POLE: variants seen among roughly 807,000 people sequenced by gnomAD.
POLE encodes the protein DNA polymerase epsilon catalytic subunit A.
In POLE, 188 loss-of-function variants were observed where a neutral mutation model predicts 279.2. The observed-to-expected ratio is 0.67, with a 90% CI of 0.60 to 0.76. The LOEUF (loss-of-function observed/expected upper bound fraction) is 0.76, where lower values mean the gene tolerates loss of function less well. Ranked by LOEUF, POLE falls within the 30% of genes least tolerant of loss-of-function variation. The pLI, the probability that POLE is intolerant of heterozygous loss-of-function variation, is 0.00. For missense variants in POLE, 2,703 were observed against 3,016.7 expected, an observed-to-expected ratio of 0.90 and a Z score of 2.44; for synonymous variants, 1,214 against 1,172.5, an observed-to-expected ratio of 1.04 and a Z score of -0.72.
At position 132,670,034 on chromosome 12, in the gene POLE, C is replaced by T. The variant is rs5744790; in HGVS notation, c.1795-1095G>A. Among the ~76,000 whole-genome samples the T allele has an allele frequency of 8.7e-3, 1,312 of 150,596 alleles. 23 individuals carry two copies. Among genetic ancestry groups the T allele is most frequent in the African/African-American group, 0.031 (1,250 of 40,904 alleles). On this transcript the variant is annotated intron_variant, in intron 16 of 48. Coordinates refer to ENST00000320574, the MANE Select transcript of POLE (RefSeq NM_006231.4). ...ATCCTCACATCTACCACACCTCCAG[C>T]CTCACTCTACCTGCCCATCTCACTG...
At chr12:132,669,230 C>G (rs905901564) in intron 16 of POLE, among the ~76,000 whole-genome samples, 12 of 151,910 alleles carry the variant, frequency 7.9e-5, no homozygotes, top group Non-Finnish European at 1.8e-4. Context: ...TTTCGGAGAC[C>G]GAGGCCAGAG....
intron 20 of POLE, among the ~76,000 whole-genome samples, chr12:132,666,701 C>T (rs1376799322): frequency 2.9e-5 from 4 of 138,198 alleles, no homozygotes; most frequent in Non-Finnish European, 4.7e-5. Flanking sequence ...GGAATGGGGT[C>T]ACTAGGGGCC....
chr12:132,670,253 G>A (rs1480133072), intron 16 of POLE, among the ~76,000 whole-genome samples: 1 of 151,142 alleles, frequency 6.6e-6, no homozygotes, highest in Non-Finnish European at 1.5e-5. Flanking sequence ...GCAAGCGCCT[G>A]TTATCCCAGC....
rs2043017924 is a variant in POLE, at chr12:132,675,264, T to G, written c.1226+134A>C. On this transcript the variant is annotated intron_variant, in intron 12 of 48. Coordinates refer to ENST00000320574, the MANE Select transcript of POLE (RefSeq NM_006231.4). This position sits in a 1 kb window ranked among gnomAD's most constrained non-coding sequence, Gnocchi z 4.3. ...CCTGGCAGGGTTGCAGCTGCCATAC[T>G]CTTGGGTGACCTGAAACGGCCTCTC... 8 of 1,135,944 alleles carry G rather than the reference T, an allele frequency of 7.0e-6. No individual in the cohort carries two copies. Among genetic ancestry groups the G allele is most frequent in the Middle Eastern group, 4.4e-4 (2 of 4,504 alleles). The allele number at this position is 1,135,944 out of a possible 1,614,324, so 70.4% of individuals were successfully genotyped here.
chr12:132,645,788 A>G lies in POLE; in HGVS notation c.4150-1811T>C, dbSNP rs554811293. On this transcript the variant is annotated intron_variant, in intron 32 of 48. Coordinates refer to ENST00000320574, the MANE Select transcript of POLE (RefSeq NM_006231.4). ...TCCAGTAACATGAAATTAGACCGAC[A>G]CACACACACACCCACACACACACAC... Among the ~76,000 whole-genome samples the G allele has an allele frequency of 2.6e-3, 290 of 112,266 alleles. 2 individuals are homozygous for G. The highest frequency in any genetic ancestry group is 0.012 in the African/African-American group (284 of 23,274). The allele number at this position is 112,266 out of a possible 152,430, so 73.7% of individuals were successfully genotyped here.
rs1439744938 is a variant in POLE, at chr12:132,634,022, C to T, written c.6004+164G>A. 1 of 651,668 alleles carries T rather than the reference C, an allele frequency of 1.5e-6. No individual in the cohort carries two copies. The highest frequency in any genetic ancestry group is 1.8e-5 in the African/African-American group (1 of 54,636). 40.4% of individuals were successfully genotyped at this position (651,668 alleles called of 1,614,324 possible). A position where few individuals can be genotyped will look rare whatever the true frequency, so the allele number is the denominator to read the frequency against. ...CCCTCCAGTGGAACATGCCTGGAGC[C>T]TGGAGAGGAGGCCCCTCGGCTCACA... is the stretch of plus-strand genomic sequence containing the variant. On this transcript the variant is annotated intron_variant, in intron 43 of 48. Transcript: ENST00000320574. The surrounding 1 kb of genome is among the most constrained non-coding windows in gnomAD (Gnocchi z 4.0).
rs537816213 is a variant in POLE, at chr12:132,673,715, G to A, written c.1227-8C>T. 2.5e-5 allele frequency: 40 copies of A among 1,613,224 alleles called. No individual in the cohort carries two copies. The highest frequency in any genetic ancestry group is 1.2e-4 in the South Asian group (11 of 91,074). ...CTGTCCCTCTTCACCCACCTGGAAG[G>A]AGAATGAGAACAGAAGCCAGGATGA... On this transcript the variant is annotated splice_polypyrimidine_tract_variant and splice_region_variant and intron_variant, in intron 12 of 48. Transcript: ENST00000320574.
chr12:132,687,105 G>A, intron 1 of POLE, 149 bp downstream of exon 1: 1 of 405,996 alleles, frequency 2.5e-6, no homozygotes, highest in Non-Finnish European at 3.9e-6. Context: ...TCGGCGGTCG[G>A]GGCGCGCCGC....
intron 32 of POLE, among the ~76,000 whole-genome samples, chr12:132,647,500 G>C (rs1241663715): frequency 6.7e-6 from 1 of 149,474 alleles, no homozygotes; most frequent in Admixed American, 6.7e-5. Context: ...TTAAGGAATA[G>C]AGTTCATTTC....
intron 20 of POLE, 85 bp from the exon 21 acceptor site, chr12:132,665,535 T>C (rs2042778769): frequency 8.2e-6 from 12 of 1,457,318 alleles, no homozygotes; most frequent in Non-Finnish European, 8.2e-6. Context: ...TTTAGTATTT[T>C]GAAAATTTTC....
chr12:132,632,212 G>A (rs2041946271), intron 45 of POLE, 103 bp downstream of exon 45: 18 of 871,146 alleles, frequency 2.1e-5, no homozygotes, highest in Non-Finnish European at 2.9e-5. Context: ...ACGCTAGCAC[G>A]TTCATGGTGC....
chr12:132,679,684 A>G (rs1370252459), intron 5 of POLE, 33 bp from the exon 6 acceptor site: 2 of 1,594,052 alleles, frequency 1.3e-6, no homozygotes, highest in Non-Finnish European at 1.7e-6. Context: ...TCATTGGTTC[A>G]AGAGAAATAG....
chr12:132,674,348 A>C (rs1313297242), intron 12 of POLE, among the ~76,000 whole-genome samples: 3 of 151,590 alleles, frequency 2.0e-5, no homozygotes, highest in Non-Finnish European at 2.9e-5. Context: ...TCTTGCCTTC[A>C]GTTCATCCAC....
At chr12:132,631,549 G>A (rs1003439229) in intron 45 of POLE, among the ~76,000 whole-genome samples, 23 of 152,194 alleles carry the variant, frequency 1.5e-4, no homozygotes, top group East Asian at 3.8e-4. Flanking sequence ...AACCTTAGCC[G>A]TGTGTGAGAT....
At chr12:132,658,112 T>C (rs1435809719) in intron 26 of POLE, 142 bp from the exon 27 acceptor site, 2 of 620,788 alleles carry the variant, frequency 3.2e-6, no homozygotes, top group East Asian at 2.8e-5. Flanking sequence ...CGTGCATATG[T>C]ATGCACAAAC....
chr12:132,641,822 C>T lies in POLE; in HGVS notation c.5203G>A (p.Ala1735Thr), dbSNP rs2042150896. Residue 1735 changes from alanine (A) to threonine (T), a missense_variant, in exon 39 of 49, where the codon GCC becomes ACC. Physicochemically the swap from Ala to Thr is moderately conservative, Grantham distance 58 (BLOSUM62 0). Transcript: ENST00000320574. ...VCVELDLQNL[A>T]VNTILQSHHV... ...TGAGACTGGAGAATGGTGTTGACGG[C>T]CAGGTTCTGAAGGTCCAGCTCCACA... 6.2e-7 allele frequency: 1 copy of T among 1,601,856 alleles called. No individual in the cohort carries two copies. The highest frequency in any genetic ancestry group is 8.5e-7 in the Non-Finnish European group (1 of 1,179,934).
At chr12:132,667,299 C>T (rs1364304020) in intron 20 of POLE, among the ~76,000 whole-genome samples, 2 of 152,166 alleles carry the variant, frequency 1.3e-5, no homozygotes, top group Non-Finnish European at 2.9e-5. Flanking sequence ...CTTTAGGGTC[C>T]TTCTGAGGCC....
In POLE at chr12:132,667,452, G is replaced by A. The variant is rs774811854; in HGVS notation, c.2319+51C>T. The A allele has an allele frequency of 4.1e-5, 65 of 1,597,136 alleles. No individual in the cohort carries two copies. The East Asian group carries it at 5.4e-4, about 13-fold the overall frequency. On this transcript the variant is annotated intron_variant, in intron 20 of 48. Coordinates refer to ENST00000320574, the MANE Select transcript of POLE (RefSeq NM_006231.4). ...GCCAAGAGTGCCCACTTCATGAGCCGACTGAAACTGCCCTCACAGAGGCCA... is the reference window on the plus strand; with the variant it reads ...GCCAAGAGTGCCCACTTCATGAGCCAACTGAAACTGCCCTCACAGAGGCCA...
At position 132,679,951 on chromosome 12, in the gene POLE, C is replaced by A; in HGVS notation, c.423+3G>T. 6.2e-7 allele frequency: 1 copy of A among 1,605,522 alleles called. No individual in the cohort carries two copies. Among genetic ancestry groups the A allele is most frequent in the Non-Finnish European group, 8.5e-7 (1 of 1,173,208 alleles). On this transcript the variant is annotated splice_donor_region_variant and intron_variant, in intron 5 of 48. Transcript: ENST00000320574. ...ACCCCTGGAAAGTCTGGGTGATACT[C>A]ACCAAGTCCAGATCCTCTTTGGGGA...
Sources: gnomAD v4.1 joint callset for allele counts (sites outside exome capture counted in the v4.1 genomes callset) on GRCh38, gnomAD v4.1.1 for gene constraint, Gnocchi (gnomAD v3.1) non-coding constraint, MANE v1.5 for transcripts, NCBI Gene and HGNC (gene_info 2026-07-23, HGNC 2026-07-21) for gene names.